The following SYNDIG1 variants were observed in gnomAD, a reference collection of about 807,000 sequenced individuals.
SYNDIG1 encodes the protein synapse differentiation-inducing gene protein 1.
A neutral mutation model predicts 19.4 loss-of-function variants in SYNDIG1; 9 were observed. The ratio of observed to expected loss-of-function variants is 0.46; its 90% CI spans 0.28 to 0.81. The LOEUF is 0.81. Among genes scored for constraint, SYNDIG1 ranks in the 30% least tolerant of loss-of-function variants. The pLI is 0.12. For synonymous variants in SYNDIG1, 141 were observed against 145.9 expected, an observed-to-expected ratio of 0.97 and a Z score of 0.24; for missense variants, 311 against 343.3, an observed-to-expected ratio of 0.91 and a Z score of 0.74.
At chr20:24,565,283 T>A (rs1280269563) in intron 2 of SYNDIG1, among the ~76,000 whole-genome samples, 1 of 152,184 alleles carries the variant, frequency 6.6e-6, no homozygotes, top group African/African-American at 2.4e-5. Flanking sequence ...ATGCAAGAAG[T>A]ATCTTTAGAA....
In SYNDIG1 at chr20:24,642,363, G is replaced by C. The variant is rs117591227; in HGVS notation, c.619-22983G>C. On this transcript the variant is annotated intron_variant, in intron 3 of 3. Coordinates refer to ENST00000376862, the MANE Select transcript of SYNDIG1 (RefSeq NM_024893.3). ...TGTCAAGCTTGCACCTGGAGAGAGA[G>C]GGATTGTCAGGGCCTCCACAGCAGA... Among the ~76,000 whole-genome samples, 1,263 of 152,152 alleles carry C rather than the reference G, an allele frequency of 8.3e-3. 4 individuals are homozygous for C. Among genetic ancestry groups the C allele is most frequent in the Non-Finnish European group, 0.014 (941 of 67,970 alleles).
intron 3 of SYNDIG1, among the ~76,000 whole-genome samples, chr20:24,598,955 A>G (rs2058637523): frequency 6.6e-6 from 1 of 152,200 alleles, no homozygotes; most frequent in Admixed American, 6.6e-5. Context: ...TAGGACCTCA[A>G]AAGCACAGGC....
intron 1 of SYNDIG1, among the ~76,000 whole-genome samples, chr20:24,492,133 A>G (rs1409445222): frequency 6.6e-6 from 1 of 151,938 alleles, no homozygotes; most frequent in Non-Finnish European, 1.5e-5. Flanking sequence ...CCGTGTCCAC[A>G]GTGAAACTCC....
intron 1 of SYNDIG1, among the ~76,000 whole-genome samples, chr20:24,504,452 C>T (rs962267808): frequency 1.7e-4 from 26 of 152,254 alleles, no homozygotes; most frequent in East Asian, 7.7e-4. Flanking sequence ...AGAGATGCAG[C>T]GAAGGAAACC....
rs1021331842 is a variant in SYNDIG1, at chr20:24,605,099, C to T, written c.618+20106C>T. Among the ~76,000 whole-genome samples, 6 of 152,074 alleles carry T rather than the reference C, an allele frequency of 3.9e-5. No homozygotes were observed. The South Asian group carries it at 1.2e-3, about 32-fold the overall frequency. ...AAAGACATGAAACCTGTGCTGGGGT[C>T]CAGGAGAAAGTCCTGGCAAAGGGCA... is the stretch of plus-strand genomic sequence containing the variant. On this transcript the variant is annotated intron_variant, in intron 3 of 3. Coordinates refer to ENST00000376862, the MANE Select transcript of SYNDIG1 (RefSeq NM_024893.3).
intron 1 of SYNDIG1, among the ~76,000 whole-genome samples, chr20:24,542,618 A>T (rs2057489479): frequency 6.6e-6 from 1 of 152,188 alleles, no homozygotes; most frequent in South Asian, 2.1e-4. Flanking sequence ...ATGAACAGCC[A>T]TGTACCTGGG....
chr20:24,501,630 G>C (rs986844474), intron 1 of SYNDIG1, among the ~76,000 whole-genome samples: 1 of 152,142 alleles, frequency 6.6e-6, no homozygotes, highest in Non-Finnish European at 1.5e-5. Context: ...TTGCCTCTCT[G>C]TACCTCTGTT....
intron 1 of SYNDIG1, among the ~76,000 whole-genome samples, chr20:24,510,867 T>C (rs1403869113): frequency 6.6e-6 from 1 of 152,218 alleles, no homozygotes; most frequent in Admixed American, 6.5e-5. Context: ...CCTTTTAATA[T>C]GTCTTTCATA....
At chr20:24,611,291 A>G (rs999119275) in intron 3 of SYNDIG1, among the ~76,000 whole-genome samples, 2 of 152,000 alleles carry the variant, frequency 1.3e-5, no homozygotes. Context: ...CCGTTAGACT[A>G]TTCTTCCAGC....
intron 2 of SYNDIG1, among the ~76,000 whole-genome samples, chr20:24,576,896 G>C (rs1451714284): frequency 6.6e-6 from 1 of 152,094 alleles, no homozygotes; most frequent in Admixed American, 6.5e-5. Flanking sequence ...TTCTCTACCT[G>C]ACCCATCCAA....
chr20:24,662,413 GC>G (rs2059612769), intron 3 of SYNDIG1, among the ~76,000 whole-genome samples: 1 of 152,092 alleles, frequency 6.6e-6, no homozygotes, highest in South Asian at 2.1e-4. Flanking sequence ...TCCAGTGTGG[GC>G]TGTGCAGGAG....
chr20:24,631,920 T>C (rs1182749010), intron 3 of SYNDIG1, among the ~76,000 whole-genome samples: 2 of 152,248 alleles, frequency 1.3e-5, no homozygotes, highest in Non-Finnish European at 2.9e-5. Context: ...TGGTGACTTC[T>C]GAAACCAAGG....
intron 3 of SYNDIG1, among the ~76,000 whole-genome samples, chr20:24,663,753 C>T (rs2059624521): frequency 6.6e-6 from 1 of 152,216 alleles, no homozygotes; most frequent in Non-Finnish European, 1.5e-5. Context: ...GCTGTAGCAG[C>T]TCCACCTTCC....
rs1353423465 is a variant in SYNDIG1, at chr20:24,666,564, T to C, written c.*1060T>C. On this transcript the variant is annotated 3_prime_UTR_variant, in exon 4 of 4. Transcript: ENST00000376862. ...TGCTGTTTTACGAGTGTTCATTACT[T>C]AACAAAAAATTATCTTTTAGCTTTT... The C allele has an allele frequency of 6.6e-6, 1 of 152,648 alleles. No individual in the cohort carries two copies. Among genetic ancestry groups the C allele is most frequent in the African/African-American group, 2.4e-5 (1 of 41,452 alleles). The allele number at this position is 152,648 out of a possible 1,614,324, so 9.5% of individuals were successfully genotyped here.
chr20:24,474,679 A>G (rs1285674224), intron 1 of SYNDIG1, among the ~76,000 whole-genome samples: 2 of 152,238 alleles, frequency 1.3e-5, no homozygotes, highest in Non-Finnish European at 1.5e-5. Context: ...ATGAGTCTGA[A>G]GGAGAGAGTA....
rs1003745331 is a variant in SYNDIG1, at chr20:24,504,547, G to A, written c.-79+34794G>A. Among the ~76,000 whole-genome samples, 10 of 152,132 alleles carry A rather than the reference G, an allele frequency of 6.6e-5. No homozygotes were observed. In the South Asian group the frequency reaches 1.0e-3, roughly 16 times the overall value. ...GGCTCTAGGTCTCCATCTGTGGCTC[G>A]GAGGCTGCCTGGGGGCTGGGACCTG... On this transcript the variant is annotated intron_variant, in intron 1 of 3. Coordinates refer to ENST00000376862, the MANE Select transcript of SYNDIG1 (RefSeq NM_024893.3).
chr20:24,664,281 T>C (rs933349542), intron 3 of SYNDIG1, among the ~76,000 whole-genome samples: 2 of 152,080 alleles, frequency 1.3e-5, no homozygotes, highest in Non-Finnish European at 2.9e-5. Flanking sequence ...TGGTGTGTTT[T>C]AGCTGGTGTG....
rs373201391 is a variant in SYNDIG1, at chr20:24,657,899, C to A, written c.619-7447C>A. ...GTATCGGTACTGGAAAGAAAATGAA[C>A]CATAAAACACCCATGGTGGAATACA... is the stretch of plus-strand genomic sequence containing the variant. On this transcript the variant is annotated intron_variant, in intron 3 of 3. Coordinates refer to ENST00000376862, the MANE Select transcript of SYNDIG1 (RefSeq NM_024893.3). 3.9e-4 allele frequency among the ~76,000 whole-genome samples: 60 copies of A among 152,240 alleles called. 3 individuals carry two copies. In the East Asian group the frequency reaches 0.011, roughly 28 times the overall value.
chr20:24,488,749 T>A (rs573105622), intron 1 of SYNDIG1, among the ~76,000 whole-genome samples: 5 of 152,150 alleles, frequency 3.3e-5, no homozygotes, highest in Non-Finnish European at 7.3e-5. Flanking sequence ...GGTGTGAGTG[T>A]TTCACAGGAC....
Sources: gnomAD v4.1 joint callset for allele counts (sites outside exome capture counted in the v4.1 genomes callset) on GRCh38, gnomAD v4.1.1 for gene constraint, MANE v1.5 for transcripts, NCBI Gene and HGNC (gene_info 2026-07-23, HGNC 2026-07-21) for gene names.